The following ARRB1 variants were observed in gnomAD, a reference collection of about 807,000 sequenced individuals.
ARRB1 encodes arrestin beta 1.
A neutral mutation model predicts 56.8 loss-of-function variants in ARRB1; 21 were observed. The ratio of observed to expected loss-of-function variants is 0.37; its 90% CI spans 0.26 to 0.53. The LOEUF (loss-of-function observed/expected upper bound fraction) is 0.53, where lower values mean the gene tolerates loss of function less well. Among genes scored for constraint, ARRB1 ranks in the 20% least tolerant of loss-of-function variants. The pLI is 0.88. For synonymous variants in ARRB1, 210 were observed against 218.6 expected (o/e 0.96, Z 0.35); for missense variants, 424 against 553.7 (o/e 0.77, Z 2.35).
intron 1 of ARRB1, among the ~76,000 whole-genome samples, chr11:75,302,851 A>G (rs1035106860): frequency 1.3e-5 from 2 of 151,882 alleles, no homozygotes; most frequent in African/African-American, 2.4e-5. Context: ...TTCTCCCCCA[A>G]GTGTCCCTCA....
intron 2 of ARRB1, among the ~76,000 whole-genome samples, chr11:75,287,717 A>C (rs1946513950): frequency 6.6e-6 from 1 of 152,210 alleles, no homozygotes; most frequent in South Asian, 2.1e-4. Flanking sequence ...GAGTGTGGGC[A>C]TCTCAGAGGG....
At chr11:75,286,555 G>A (rs796809140) in intron 3 of ARRB1, among the ~76,000 whole-genome samples, 2 of 152,014 alleles carry the variant, frequency 1.3e-5, no homozygotes, top group African/African-American at 2.4e-5. Context: ...GTGAGCCACC[G>A]CACTTGGCCT....
intron 1 of ARRB1, among the ~76,000 whole-genome samples, chr11:75,304,094 T>C (rs1946967110): frequency 1.3e-5 from 2 of 152,162 alleles, no homozygotes; most frequent in South Asian, 2.1e-4. Flanking sequence ...AGGGCACTCC[T>C]GACACAAGAC....
Position 75,275,824 on chromosome 11 carries a change from A to G in ARRB1, c.776+1015T>C, listed in dbSNP as rs1946189595. On this transcript the variant is annotated intron_variant, in intron 10 of 15. Coordinates refer to ENST00000420843, the MANE Select transcript of ARRB1 (RefSeq NM_004041.5). Reference sequence around the variant, plus strand: ...GAAGTAAACAAGTCTGTGAGTGCAAATGCCTCCCCAGCCATCCCTGCTGGT... The same window carrying G: ...GAAGTAAACAAGTCTGTGAGTGCAAGTGCCTCCCCAGCCATCCCTGCTGGT... 2.0e-5 allele frequency among the ~76,000 whole-genome samples: 3 copies of G among 152,166 alleles called. No homozygotes were observed. The South Asian group carries it at 6.2e-4, about 32-fold the overall frequency.
At chr11:75,294,842 T>C (rs1946694500) in intron 1 of ARRB1, among the ~76,000 whole-genome samples, 2 of 152,216 alleles carry the variant, frequency 1.3e-5, no homozygotes, top group South Asian at 4.1e-4. Flanking sequence ...GCCAGGTAGA[T>C]TTAAGTGCTG....
chr11:75,283,663 T>TG (rs1283317905), intron 4 of ARRB1, among the ~76,000 whole-genome samples, 180 bp from the exon 5 acceptor site: 1 of 152,172 alleles, frequency 6.6e-6, no homozygotes, highest in Non-Finnish European at 1.5e-5. Flanking sequence ...AAGGATGCCA[T>TG]GGCCTGGCCC....
chr11:75,350,395 G>A (rs1373673396), intron 1 of ARRB1, among the ~76,000 whole-genome samples: 3 of 152,168 alleles, frequency 2.0e-5, no homozygotes, highest in Non-Finnish European at 2.9e-5. Context: ...GCAGAAGTCG[G>A]ACACAAGAAT....
rs575231355 is a variant in ARRB1 at position 75,331,724 on chromosome 11, C to A, written c.20+19864G>T. 1.3e-3 allele frequency among the ~76,000 whole-genome samples: 191 copies of A among 152,200 alleles called. 1 individual carries two copies. Among genetic ancestry groups the A allele is most frequent in the Non-Finnish European group, 2.2e-3 (150 of 68,020 alleles). On this transcript the variant is annotated intron_variant, in intron 1 of 15. Transcript: ENST00000420843. Reference sequence around the variant, plus strand: ...TTTTCGGACTCAGCCCGCCTGCACCCAGGTGAAATAAACAGCCTTGTTGCT... The same window carrying A: ...TTTTCGGACTCAGCCCGCCTGCACCAAGGTGAAATAAACAGCCTTGTTGCT...
intron 9 of ARRB1, 90 bp downstream of exon 9, chr11:75,277,274 C>T: frequency 1.5e-6 from 2 of 1,308,336 alleles, no homozygotes; most frequent in South Asian, 2.5e-5. Flanking sequence ...TTATACAAGG[C>T]TGTTAACAAG....
chr11:75,335,538 T>C (rs555123982), intron 1 of ARRB1, among the ~76,000 whole-genome samples: 1 of 151,998 alleles, frequency 6.6e-6, no homozygotes, highest in South Asian at 2.1e-4. Context: ...TGAGCTATGA[T>C]CACACTACTG....
intron 1 of ARRB1, among the ~76,000 whole-genome samples, chr11:75,336,889 T>C (rs888962168): frequency 1.3e-5 from 2 of 152,198 alleles, no homozygotes; most frequent in Non-Finnish European, 2.9e-5. Context: ...GGTGGCACAA[T>C]GTGCCCAGAG....
At chr11:75,322,525 AC>A (rs940426969) in intron 1 of ARRB1, among the ~76,000 whole-genome samples, 1 of 152,054 alleles carries the variant, frequency 6.6e-6, no homozygotes, top group Non-Finnish European at 1.5e-5. Flanking sequence ...AACAACAACA[AC>A]AAAAAACACC....
chr11:75,284,378 A>T, intron 3 of ARRB1, 99 bp from the exon 4 acceptor site: 1 of 1,225,526 alleles, frequency 8.2e-7, no homozygotes, highest in African/African-American at 1.5e-5. Flanking sequence ...CCATCTGTTC[A>T]TCTAAAATCA....
chr11:75,341,074 G>A (rs1418187457), intron 1 of ARRB1, among the ~76,000 whole-genome samples: 1 of 152,060 alleles, frequency 6.6e-6, no homozygotes, highest in Non-Finnish European at 1.5e-5. Context: ...GGATGAAAGA[G>A]GAGGAAGGGG....
At chr11:75,340,189 A>G (rs504683) in intron 1 of ARRB1, among the ~76,000 whole-genome samples, 34,382 of 152,254 alleles carry the variant, frequency 0.23, 4,182 homozygotes, top group Non-Finnish European at 0.29. Context: ...CTCTGGGGGC[A>G]GTTTGCAGGC....
intron 1 of ARRB1, among the ~76,000 whole-genome samples, chr11:75,313,652 G>C (rs1243280774): frequency 6.6e-6 from 1 of 152,092 alleles, no homozygotes; most frequent in East Asian, 1.9e-4. Context: ...GCTGGGATTG[G>C]CTGGCTGAGT....
At chr11:75,294,150 A>G (rs972461549) in intron 1 of ARRB1, among the ~76,000 whole-genome samples, 28 of 152,158 alleles carry the variant, frequency 1.8e-4, no homozygotes, top group African/African-American at 6.8e-4. Context: ...TGTGTCACAC[A>G]TCTAGGTCTG....
intron 1 of ARRB1, among the ~76,000 whole-genome samples, chr11:75,331,853 C>A (rs1947526570): frequency 6.6e-6 from 1 of 152,028 alleles, no homozygotes; most frequent in East Asian, 1.9e-4. Flanking sequence ...CAGTCTGACT[C>A]TGGCATAACA....
intron 1 of ARRB1, among the ~76,000 whole-genome samples, chr11:75,339,782 GC>G (rs1947667452): frequency 6.6e-6 from 1 of 152,208 alleles, no homozygotes; most frequent in Admixed American, 6.5e-5. Context: ...TATTTCAGGT[GC>G]CCAGCACAGG....
Sources: allele counts gnomAD v4.1 joint callset (sites outside exome capture counted in the v4.1 genomes callset), GRCh38; gene constraint gnomAD v4.1.1; transcripts MANE v1.5; gene names NCBI Gene and HGNC (gene_info 2026-07-23, HGNC 2026-07-21).